The following ATG10 variants were observed in gnomAD, a reference collection of about 807,000 sequenced individuals.
ATG10 encodes autophagy related 10, also known as ubiquitin-like-conjugating enzyme ATG10.
In ATG10, 30 loss-of-function variants were observed where a neutral mutation model predicts 32.1. The observed-to-expected ratio is 0.94, with a 90% CI of 0.70 to 1.27. The LOEUF is 1.27. Ranked by LOEUF, ATG10 falls within the 50% of genes most tolerant of loss-of-function variation. ATG10 has a pLI of 0.00. For missense variants in ATG10, 233 were observed against 262.3 expected (o/e 0.89, Z 0.77); for synonymous variants, 87 against 91.5 (o/e 0.95, Z 0.28).
intron 5 of ATG10, among the ~76,000 whole-genome samples, chr5:82,222,239 G>A (rs1745957949): frequency 6.6e-6 from 1 of 152,190 alleles, no homozygotes; most frequent in African/African-American, 2.4e-5. Flanking sequence ...GTATAAAATA[G>A]TGATTAAGAG....
chr5:81,989,451 T>C (rs1209285612), intron 2 of ATG10, among the ~76,000 whole-genome samples: 1 of 152,160 alleles, frequency 6.6e-6, no homozygotes, highest in Non-Finnish European at 1.5e-5. Flanking sequence ...CGATGTGTTG[T>C]GGTAGAGTCC....
intron 2 of ATG10, among the ~76,000 whole-genome samples, chr5:82,005,305 T>C (rs867668943): frequency 6.6e-6 from 1 of 152,212 alleles, no homozygotes; most frequent in Non-Finnish European, 1.5e-5. Context: ...TCTTTTGTTT[T>C]GTTTTTTGAG....
chr5:82,146,847 A>G (rs1291155895), intron 3 of ATG10, among the ~76,000 whole-genome samples: 1 of 152,146 alleles, frequency 6.6e-6, no homozygotes, highest in South Asian at 2.1e-4. Context: ...GAGCATACTT[A>G]TAATAGCTGT....
chr5:82,032,901 A>G (rs1419399095), intron 2 of ATG10, among the ~76,000 whole-genome samples: 1 of 152,184 alleles, frequency 6.6e-6, no homozygotes, highest in Non-Finnish European at 1.5e-5. Context: ...AGGAGTTTAG[A>G]AACTTGTCCA....
At chr5:82,028,252 A>G (rs1219949682) in intron 2 of ATG10, among the ~76,000 whole-genome samples, 1 of 152,264 alleles carries the variant, frequency 6.6e-6, no homozygotes, top group African/African-American at 2.4e-5. Flanking sequence ...TGATGAATCT[A>G]TACACATTAG....
chr5:81,978,656 T>G (rs116734058), intron 1 of ATG10, among the ~76,000 whole-genome samples: 2,261 of 152,180 alleles, frequency 0.015, 42 homozygotes, highest in African/African-American at 0.05. Flanking sequence ...TCTGTGGTTT[T>G]TTTTGTTGTT....
At chr5:82,004,002 T>C (rs1318436792) in intron 2 of ATG10, among the ~76,000 whole-genome samples, 1 of 152,084 alleles carries the variant, frequency 6.6e-6, no homozygotes. Flanking sequence ...TAGCTGGTCA[T>C]TGTAGTGGGG....
chr5:82,167,831 G>C (rs956965476), intron 4 of ATG10, among the ~76,000 whole-genome samples: 4 of 152,180 alleles, frequency 2.6e-5, no homozygotes, highest in African/African-American at 4.8e-5. Context: ...AGTGGGCAAC[G>C]TGGATTTAAG....
At chr5:82,061,561 A>C (rs2149754715) in intron 3 of ATG10, among the ~76,000 whole-genome samples, 1 of 151,862 alleles carries the variant, frequency 6.6e-6, no homozygotes, top group East Asian at 1.9e-4. Context: ...AGGTTTAATT[A>C]CCCATAGAAC....
chr5:82,032,613 G>T (rs1382726290), intron 2 of ATG10, among the ~76,000 whole-genome samples: 1 of 151,868 alleles, frequency 6.6e-6, no homozygotes, highest in Admixed American at 6.6e-5. Context: ...ATGATAAACT[G>T]TTTAAGTATC....
At chr5:82,225,165 TGGG>T (rs1313529689) in intron 5 of ATG10, among the ~76,000 whole-genome samples, 2 of 152,314 alleles carry the variant, frequency 1.3e-5, no homozygotes, top group African/African-American at 4.8e-5. Context: ...TCAAATTTTA[TGGG>T]TATTTCAGAA....
At chr5:82,001,298 A>C (rs896167470) in intron 2 of ATG10, among the ~76,000 whole-genome samples, 1 of 152,198 alleles carries the variant, frequency 6.6e-6, no homozygotes, top group Non-Finnish European at 1.5e-5. Context: ...TAGAAAAAAC[A>C]GTTTTAAAAT....
chr5:82,111,800 A>G (rs1765630394), intron 3 of ATG10, among the ~76,000 whole-genome samples: 7 of 152,024 alleles, frequency 4.6e-5, no homozygotes, highest in Admixed American at 4.6e-4. Flanking sequence ...TCAAAAAGAA[A>G]AACCAGAAGA....
intron 2 of ATG10, among the ~76,000 whole-genome samples, chr5:82,044,668 T>TGTCAGACCTA (rs1763184963): frequency 1.3e-5 from 2 of 152,222 alleles, no homozygotes; most frequent in African/African-American, 4.8e-5. Context: ...AGACTAGGTC[T>TGTCAGACCTA]GATTTGGACC....
chr5:81,991,360 A>G (rs1761450498), intron 2 of ATG10, among the ~76,000 whole-genome samples: 1 of 152,192 alleles, frequency 6.6e-6, no homozygotes, highest in Non-Finnish European at 1.5e-5. Context: ...TTGGCATACA[A>G]TAAACTACAT....
intron 2 of ATG10, among the ~76,000 whole-genome samples, chr5:82,032,599 A>G (rs1294112690): frequency 6.6e-6 from 1 of 152,088 alleles, no homozygotes; most frequent in Admixed American, 6.5e-5. Context: ...ATATAGAAAT[A>G]TATATGATAA....
At chr5:82,176,350 T>C (rs1009796507) in intron 4 of ATG10, among the ~76,000 whole-genome samples, 1 of 152,198 alleles carries the variant, frequency 6.6e-6, no homozygotes, top group African/African-American at 2.4e-5. Context: ...TGCATACTTT[T>C]GGCAGATACA....
At chr5:81,997,262 T>G (rs1202476343) in intron 2 of ATG10, among the ~76,000 whole-genome samples, 1 of 152,166 alleles carries the variant, frequency 6.6e-6, no homozygotes, top group Non-Finnish European at 1.5e-5. Context: ...TGGCCAGTGG[T>G]CTGGGAACAC....
At chr5:82,122,507 C>T (rs944451863) in intron 3 of ATG10, among the ~76,000 whole-genome samples, 4 of 151,866 alleles carry the variant, frequency 2.6e-5, no homozygotes, top group African/African-American at 7.3e-5. Flanking sequence ...CAAGACAAGT[C>T]GAATCTAATT....
Sources: allele counts gnomAD v4.1 joint callset (sites outside exome capture counted in the v4.1 genomes callset), GRCh38; gene constraint gnomAD v4.1.1; transcripts MANE v1.5; gene names NCBI Gene and HGNC (gene_info 2026-07-23, HGNC 2026-07-21).